Variants in DPYSL3 observed in about 807,000 individuals in gnomAD.
DPYSL3 encodes the protein dihydropyrimidinase-related protein 3.
In DPYSL3, 16 loss-of-function variants were observed where a neutral mutation model predicts 66.1. That is an observed-to-expected ratio of 0.24 (90% CI 0.16 to 0.37). The LOEUF is 0.37. Among genes scored for constraint, DPYSL3 ranks in the 10% least tolerant of loss-of-function variants. The probability of loss-of-function intolerance (pLI) is 1.00; values close to 1 mark genes in which losing one functional copy is unlikely to be tolerated. For synonymous variants in DPYSL3, 338 were observed against 345.1 expected (o/e 0.98, Z 0.23); for missense variants, 738 against 916.2 (o/e 0.81, Z 2.51).
intron 1 of DPYSL3, among the ~76,000 whole-genome samples, chr5:147,480,785 C>G (rs910762600): frequency 1.3e-5 from 2 of 150,636 alleles, no homozygotes; most frequent in Non-Finnish European, 2.9e-5. Flanking sequence ...TGCAATGGCG[C>G]GATCTCAGCT....
chr5:147,408,777 T>G lies in DPYSL3; in HGVS notation c.983A>C (p.Glu328Ala). ...GCCTTCTGGGCCAGTTATCCCCATT[T>G]CCAACATGCGGGTTTGCTCCTGAAA... ...IIAQEQTRML[E>A]MGITGPEGHV... Residue 328 changes from glutamate (E) to alanine (A), a missense_variant, in exon 7 of 14, where the codon GAA becomes GCA. Transcript: ENST00000343218. The G allele has an allele frequency of 6.2e-7, 1 of 1,614,228 alleles. No individual in the cohort carries two copies.
In DPYSL3 at chr5:147,399,697, T is replaced by G. The variant is rs115481916; in HGVS notation, c.1453-445A>C. ...CAATGGGTTCCCTGGGTTGTGGAAT[T>G]GAGATATTTTTGTTTTCTTTCAAGT... On this transcript the variant is annotated intron_variant, in intron 10 of 13. Coordinates refer to ENST00000343218, the MANE Select transcript of DPYSL3 (RefSeq NM_001197294.2). Among the ~76,000 whole-genome samples the G allele has an allele frequency of 2.2e-3, 330 of 152,316 alleles. 1 individual carries two copies. The highest frequency in any genetic ancestry group is 7.7e-3 in the African/African-American group (320 of 41,576).
At chr5:147,460,871 A>C (rs577483453) in intron 1 of DPYSL3, among the ~76,000 whole-genome samples, 2 of 152,230 alleles carry the variant, frequency 1.3e-5, no homozygotes, top group African/African-American at 4.8e-5. Flanking sequence ...CCTAAGGTAC[A>C]AGGTAATCTT....
intron 1 of DPYSL3, among the ~76,000 whole-genome samples, 175 bp from the exon 2 acceptor site, chr5:147,425,138 G>A (rs1752172174): frequency 6.6e-6 from 1 of 152,302 alleles, no homozygotes; most frequent in East Asian, 1.9e-4. Context: ...TGGGGATCCG[G>A]TCTTTCTTGT....
chr5:147,403,709 G>C (rs1268631849), intron 8 of DPYSL3, among the ~76,000 whole-genome samples: 1 of 152,176 alleles, frequency 6.6e-6, no homozygotes, highest in African/African-American at 2.4e-5. Flanking sequence ...CTGCTCAGGA[G>C]GGAAGTGCAA....
chr5:147,425,708 C>T (rs796477730), intron 1 of DPYSL3, among the ~76,000 whole-genome samples: 27 of 151,996 alleles, frequency 1.8e-4, no homozygotes, highest in African/African-American at 5.3e-4. Context: ...TTGAGTTACC[C>T]GACAGGAAAC....
intron 1 of DPYSL3, chr5:147,453,693 G>A: frequency 7.2e-7 from 1 of 1,382,090 alleles, no homozygotes; most frequent in Non-Finnish European, 9.4e-7. Flanking sequence ...TGGAGTGAAT[G>A]GTGCGCTGGC....
At position 147,436,786 on chromosome 5, in the gene DPYSL3, A is replaced by G. The variant is rs116260463; in HGVS notation, c.382-11823T>C. Among the ~76,000 whole-genome samples, 654 of 152,366 alleles carry G rather than the reference A, an allele frequency of 4.3e-3. 3 individuals are homozygous for G. The highest frequency in any genetic ancestry group is 0.017 in the Middle Eastern group (5 of 294). Reference sequence around the variant, plus strand: ...AGTAACTGAAGAGGAAGGGAAAGTGACGCAGATGCAGACGTGCCAAACCAG... The same window carrying G: ...AGTAACTGAAGAGGAAGGGAAAGTGGCGCAGATGCAGACGTGCCAAACCAG... On this transcript the variant is annotated intron_variant, in intron 1 of 13. Coordinates refer to ENST00000343218, the MANE Select transcript of DPYSL3 (RefSeq NM_001197294.2).
chr5:147,421,790 G>A (rs1752084730), intron 2 of DPYSL3, among the ~76,000 whole-genome samples: 2 of 152,168 alleles, frequency 1.3e-5, no homozygotes, highest in African/African-American at 4.8e-5. Context: ...ACGGTGTTGG[G>A]AAAACTGGCT....
intron 1 of DPYSL3, among the ~76,000 whole-genome samples, chr5:147,459,636 C>T (rs886427165): frequency 6.6e-5 from 10 of 152,130 alleles, no homozygotes; most frequent in South Asian, 4.1e-4. Flanking sequence ...AAAAGTATTC[C>T]CACTGGCTGA....
chr5:147,505,834 C>T (rs370256332), intron 1 of DPYSL3, among the ~76,000 whole-genome samples: 12 of 152,258 alleles, frequency 7.9e-5, no homozygotes, highest in African/African-American at 2.6e-4. Context: ...AAAATCTGTC[C>T]TTGCTCTGAA....
At chr5:147,471,054 G>A (rs1163679640) in intron 1 of DPYSL3, among the ~76,000 whole-genome samples, 3 of 152,150 alleles carry the variant, frequency 2.0e-5, no homozygotes, top group Admixed American at 6.5e-5. Context: ...GATACACACT[G>A]AGTGACTGCC....
At chr5:147,463,508 G>T (rs1458951497) in intron 1 of DPYSL3, among the ~76,000 whole-genome samples, 1 of 152,146 alleles carries the variant, frequency 6.6e-6, no homozygotes, top group African/African-American at 2.4e-5. Context: ...AAGGGAATGG[G>T]CATGAAGAGT....
intron 3 of DPYSL3, among the ~76,000 whole-genome samples, chr5:147,418,080 C>T (rs2152022241): frequency 6.6e-6 from 1 of 152,316 alleles, no homozygotes; most frequent in African/African-American, 2.4e-5. Flanking sequence ...CTTTCTCAGA[C>T]CCAAGTGGGC....
intron 1 of DPYSL3, among the ~76,000 whole-genome samples, chr5:147,434,422 C>T (rs1302621825): frequency 1.3e-5 from 2 of 152,300 alleles, no homozygotes; most frequent in South Asian, 2.1e-4. Flanking sequence ...GAAGTGACAT[C>T]CAGCTTCAAT....
rs771694171 is a variant in DPYSL3, at chr5:147,415,851, A to G, written c.678T>C (p.Pro226=). ...TMIIDHVVPE[P]ESSLTEAYEK... is the part of the protein sequence containing the mutation. ...CATAGGCCTCAGTCAGGCTGGACTC[A>G]GGCTCAGGCACCACATGGTCAACTG... The change falls in exon 4 of 14, where the codon CCT becomes CCC. Residue 226 remains proline (P), a synonymous_variant. Transcript: ENST00000343218. The G allele has an allele frequency of 1.2e-6, 2 of 1,613,986 alleles. No homozygotes were observed. Among genetic ancestry groups the G allele is most frequent in the Non-Finnish European group, 1.7e-6 (2 of 1,179,952 alleles).
chr5:147,508,004 A>G (rs1387350585), intron 1 of DPYSL3, among the ~76,000 whole-genome samples: 1 of 152,238 alleles, frequency 6.6e-6, no homozygotes, highest in Admixed American at 6.5e-5. Flanking sequence ...CAAGTCAGAC[A>G]TGAAGAAAGG....
At chr5:147,477,025 A>G (rs2126430060) in intron 1 of DPYSL3, among the ~76,000 whole-genome samples, 1 of 152,338 alleles carries the variant, frequency 6.6e-6, no homozygotes, top group East Asian at 1.9e-4. Flanking sequence ...AAGATTTAAG[A>G]CACAATAAGT....
intron 1 of DPYSL3, among the ~76,000 whole-genome samples, chr5:147,437,386 G>C (rs1752431844): frequency 6.6e-6 from 1 of 152,188 alleles, no homozygotes; most frequent in African/African-American, 2.4e-5. Context: ...ACAGGCAATA[G>C]CTCCCCATCT....
Sources: gnomAD v4.1 joint callset for allele counts (sites outside exome capture counted in the v4.1 genomes callset) on GRCh38, gnomAD v4.1.1 for gene constraint, MANE v1.5 for transcripts, NCBI Gene and HGNC (gene_info 2026-07-23, HGNC 2026-07-21) for gene names.